Variants in CPLX2 observed in about 807,000 individuals in gnomAD.
The protein encoded by CPLX2 is complexin 2.
CPLX2 carries 5 observed loss-of-function variants against 16.3 expected under a neutral mutation model. The observed-to-expected ratio is 0.31, with a 90% CI of 0.16 to 0.64. CPLX2 has a LOEUF of 0.64. Ranked by LOEUF, CPLX2 falls within the 30% of genes least tolerant of loss-of-function variation. The pLI is 0.79. For synonymous variants in CPLX2, 89 were observed against 73.2 expected (o/e 1.22, Z -1.10); for missense variants, 144 against 181.4 (o/e 0.79, Z 1.18).
chr5:175,829,460 T>TTTTA lies in CPLX2; in HGVS notation c.-89+20392_-89+20393insTTTA, dbSNP rs1758689843. Reference sequence around the variant, plus strand: ...CAGAGCCACACCTGACCCCAGTTCCTGCTGTCACTCTTTGCTAAAAGATGG... The same window carrying TTTTA: ...CAGAGCCACACCTGACCCCAGTTCCTTTTAGCTGTCACTCTTTGCTAAAAGATGG... On this transcript the variant is annotated intron_variant, in intron 2 of 4. Transcript: ENST00000359546. Among the ~76,000 whole-genome samples, 3 of 152,318 alleles carry TTTTA rather than the reference T, an allele frequency of 2.0e-5. No individual in the cohort carries two copies. In the South Asian group the frequency reaches 6.2e-4, roughly 32 times the overall value.
intron 1 of CPLX2, among the ~76,000 whole-genome samples, chr5:175,875,108 G>A (rs1467489729): frequency 1.3e-5 from 2 of 152,214 alleles, no homozygotes; most frequent in African/African-American, 4.8e-5. Flanking sequence ...TCCTGCAGAG[G>A]CAGCAGAGCT....
intron 1 of CPLX2, among the ~76,000 whole-genome samples, chr5:175,807,694 A>ATTCAT (rs59196623): frequency 0.021 from 2,940 of 137,470 alleles, 82 homozygotes; most frequent in African/African-American, 0.065. Flanking sequence ...CCACTTACTC[A>ATTCAT]TCATTCATTC....
intron 2 of CPLX2, among the ~76,000 whole-genome samples, chr5:175,861,928 C>A (rs1021940747): frequency 1.3e-5 from 2 of 152,150 alleles, no homozygotes; most frequent in African/African-American, 4.8e-5. Context: ...TGTCTGGGGA[C>A]GTTCCTTAAT....
At chr5:175,858,056 T>C (rs886562072) in intron 2 of CPLX2, among the ~76,000 whole-genome samples, 1 of 152,188 alleles carries the variant, frequency 6.6e-6, no homozygotes, top group Non-Finnish European at 1.5e-5. Context: ...TGAGGAAACT[T>C]AGGCTCAGAG....
intron 2 of CPLX2, among the ~76,000 whole-genome samples, chr5:175,862,078 G>A (rs931388942): frequency 6.6e-6 from 1 of 152,286 alleles, no homozygotes; most frequent in South Asian, 2.1e-4. Context: ...CCTGCCCCTG[G>A]GTGTGTTTGC....
At chr5:175,796,613 G>A (rs2243404) in exon 1 of CPLX2, 28,529 of 152,508 alleles carry the variant, frequency 0.19, 2,771 homozygotes, top group South Asian at 0.24. Flanking sequence ...AGCTCGGCAG[G>A]CATTCGAGGC....
chr5:175,819,589 C>G (rs1040136768), intron 2 of CPLX2, among the ~76,000 whole-genome samples: 5 of 152,202 alleles, frequency 3.3e-5, no homozygotes, highest in African/African-American at 1.2e-4. Context: ...CAAGGGCCGC[C>G]TTTCATTTTA....
At chr5:175,856,216 T>C (rs73328319) in intron 2 of CPLX2, among the ~76,000 whole-genome samples, 1 of 152,214 alleles carries the variant, frequency 6.6e-6, no homozygotes, top group Non-Finnish European at 1.5e-5. Flanking sequence ...ACTTACCTCA[T>C]AAGGTGGTTG....
intron 2 of CPLX2, among the ~76,000 whole-genome samples, chr5:175,852,560 A>C (rs1759178817): frequency 6.6e-6 from 1 of 152,214 alleles, no homozygotes. Flanking sequence ...ATCTCATTTA[A>C]TCTTCCGAAC....
chr5:175,827,624 AG>A (rs1758642760), intron 2 of CPLX2, among the ~76,000 whole-genome samples: 1 of 152,162 alleles, frequency 6.6e-6, no homozygotes, highest in Admixed American at 6.5e-5. Context: ...TGTGGTGGTC[AG>A]TGCCGAGCAC....
chr5:175,867,649 G>A (rs1759502506), upstream of CPLX2, among the ~76,000 whole-genome samples: 1 of 151,934 alleles, frequency 6.6e-6, no homozygotes, highest in Non-Finnish European at 1.5e-5. Context: ...ACAACACGCT[G>A]ACATAGGAGT....
In CPLX2 at chr5:175,849,778, C is replaced by T. The variant is rs1045040796; in HGVS notation, c.-88-28874C>T. ...AGGGCCCTGGACCCCACCCTGGCTC[C>T]ATCTCCCCTTGGAAGCACCTTCCTT... On this transcript the variant is annotated intron_variant, in intron 2 of 4. Coordinates refer to the CPLX2 transcript ENST00000359546. This position sits in a 1 kb window ranked among gnomAD's most constrained non-coding sequence, Gnocchi z 4.4. Among the ~76,000 whole-genome samples the T allele has an allele frequency of 1.1e-4, 16 of 152,200 alleles. No homozygotes were observed. The highest frequency in any genetic ancestry group is 2.1e-4 in the South Asian group (1 of 4,828).
chr5:175,828,300 C>A (rs968444785), intron 2 of CPLX2, among the ~76,000 whole-genome samples: 3 of 152,142 alleles, frequency 2.0e-5, no homozygotes, highest in Admixed American at 2.0e-4. Flanking sequence ...GGAAACTGTT[C>A]TATTGGAACA....
intron 2 of CPLX2, among the ~76,000 whole-genome samples, chr5:175,817,010 C>T (rs536919572): frequency 6.6e-6 from 1 of 152,388 alleles, no homozygotes; most frequent in African/African-American, 2.4e-5. Flanking sequence ...AGAGCGACTG[C>T]AGCTGTTGGA....
At chr5:175,870,240 G>A (rs986540101), upstream of CPLX2, among the ~76,000 whole-genome samples, 1 of 152,234 alleles carries the variant, frequency 6.6e-6, no homozygotes, top group Non-Finnish European at 1.5e-5. Flanking sequence ...TGTAAGGGGA[G>A]AACAGACATA....
At chr5:175,879,182 A>C in intron 3 of CPLX2, 99 bp downstream of exon 3, 28 of 1,278,804 alleles carry the variant, frequency 2.2e-5, no homozygotes, top group Non-Finnish European at 3.0e-5. Flanking sequence ...CCCAGCTCTC[A>C]CCTTCGCCCT....
At chr5:175,824,379 G>C (rs1758568642) in intron 2 of CPLX2, among the ~76,000 whole-genome samples, 2 of 152,196 alleles carry the variant, frequency 1.3e-5, no homozygotes, top group Admixed American at 1.3e-4. Context: ...CGGCCTTGCT[G>C]CCAGAAAGTG....
upstream of CPLX2, among the ~76,000 whole-genome samples, chr5:175,870,917 G>C (rs187999546): frequency 2.0e-5 from 3 of 152,188 alleles, no homozygotes; most frequent in Admixed American, 2.0e-4. Flanking sequence ...CGCTCCATCA[G>C]TGTTTCCTGA....
intron 2 of CPLX2, among the ~76,000 whole-genome samples, chr5:175,842,484 T>A (rs902560035): frequency 1.3e-5 from 2 of 152,210 alleles, no homozygotes; most frequent in African/African-American, 4.8e-5. Context: ...AGCTCTCAGC[T>A]CCTTTAGCAA....
Sources: gnomAD v4.1 joint callset for allele counts (sites outside exome capture counted in the v4.1 genomes callset) on GRCh38, gnomAD v4.1.1 for gene constraint, Gnocchi (gnomAD v3.1) non-coding constraint, MANE v1.5 for transcripts, NCBI Gene and HGNC (gene_info 2026-07-23, HGNC 2026-07-21) for gene names.